RANBP2: variants seen among roughly 807,000 people sequenced by gnomAD.
The protein encoded by RANBP2 is E3 SUMO-protein ligase RanBP2.
In RANBP2, 57 loss-of-function variants were observed where a neutral mutation model predicts 303.6. That is an observed-to-expected ratio of 0.19 (90% confidence interval 0.15 to 0.23). The LOEUF (loss-of-function observed/expected upper bound fraction) is 0.23, where lower values mean the gene tolerates loss of function less well. Ranked by LOEUF, RANBP2 falls within the 10% of genes least tolerant of loss-of-function variation. RANBP2 has a pLI of 1.00. For missense variants in RANBP2, 3,138 were observed against 3,780.8 expected, an observed-to-expected ratio of 0.83 and a Z score of 4.46; for synonymous variants, 1,167 against 1,301.5, an observed-to-expected ratio of 0.90 and a Z score of 2.23.
the RANBP2 span, among the ~76,000 whole-genome samples, chr2:109,264,873 A>C: frequency 2.0e-5 from 3 of 152,212 alleles, no homozygotes; most frequent in African/African-American, 7.2e-5. Flanking sequence ...AGACATCTTA[A>C]ACATCCTTAT....
At chr2:109,565,563 G>C in the RANBP2 span, among the ~76,000 whole-genome samples, 1 of 152,134 alleles carries the variant, frequency 6.6e-6, no homozygotes, top group Non-Finnish European at 1.5e-5. Flanking sequence ...GGTACCGTGG[G>C]GGCGGGGGTA....
the RANBP2 span, among the ~76,000 whole-genome samples, chr2:109,560,278 T>C: frequency 1.3e-5 from 2 of 152,192 alleles, no homozygotes; most frequent in Non-Finnish European, 2.9e-5. Flanking sequence ...CCAAGAATTG[T>C]CAAGGAAGCA....
chr2:109,533,242 C>CGTGGA, the RANBP2 span, among the ~76,000 whole-genome samples: 1 of 152,218 alleles, frequency 6.6e-6, no homozygotes, highest in Non-Finnish European at 1.5e-5. Context: ...CAACACAGCC[C>CGTGGA]GTGGAGGGCA....
the RANBP2 span, among the ~76,000 whole-genome samples, chr2:108,791,194 G>A: frequency 1.3e-5 from 2 of 151,910 alleles, no homozygotes; most frequent in African/African-American, 2.4e-5. Context: ...TATGACTTGT[G>A]TTATATTGCT....
At chr2:109,641,884 C>T in the RANBP2 span, among the ~76,000 whole-genome samples, 3 of 152,302 alleles carry the variant, frequency 2.0e-5, no homozygotes, top group South Asian at 6.2e-4. Flanking sequence ...CCATTCACTG[C>T]AACCTATGCC....
chr2:109,245,950 C>T, the RANBP2 span, among the ~76,000 whole-genome samples: 2 of 152,190 alleles, frequency 1.3e-5, no homozygotes, highest in African/African-American at 4.8e-5. Context: ...AAAAAAATTA[C>T]TGCTATAATG....
Position 108,765,913 on chromosome 2 carries a change from G to T in RANBP2, c.5374G>T (p.Val1792Leu). 6.2e-7 allele frequency: 1 copy of T among 1,614,176 alleles called. No homozygotes were observed. Among genetic ancestry groups the T allele is most frequent in the Non-Finnish European group, 8.5e-7 (1 of 1,179,996 alleles). Residue 1792 changes from valine to leucine, a missense_variant, in exon 20 of 29, where the codon GTA becomes TTA. Val to Leu is a conservative substitution (Grantham distance 32). Around this residue, in one of 20 missense-constraint regions of RANBP2, gnomAD observed 348 missense variants for 360.4 expected, o/e 0.97. Transcript: ENST00000283195. ...ACAGTGGGATTGTAGTGTTTGCTGTGTACAAAATGAGAGTTCTTCCTTAAA... is the reference window on the plus strand; with the variant it reads ...ACAGTGGGATTGTAGTGTTTGCTGTTTACAAAATGAGAGTTCTTCCTTAAA... ...KGQWDCSVCC[V>L]QNESSSLKCV...
At chr2:109,617,305 A>T in the RANBP2 span, 1 of 167,096 alleles carries the variant, frequency 6.0e-6, no homozygotes, top group Admixed American at 6.5e-5. Flanking sequence ...TAGAGAAGAG[A>T]TGGGACTATT....
chr2:109,210,499 T>G, the RANBP2 span, among the ~76,000 whole-genome samples: 1 of 152,226 alleles, frequency 6.6e-6, no homozygotes, highest in Admixed American at 6.5e-5. Flanking sequence ...AGGGAGACAG[T>G]GGCTGGAGTA....
chr2:108,916,020 G>A, the RANBP2 span, among the ~76,000 whole-genome samples: 1 of 152,204 alleles, frequency 6.6e-6, no homozygotes, highest in Non-Finnish European at 1.5e-5. Flanking sequence ...CCTTACTGAA[G>A]TTGCTCTGGA....
the RANBP2 span, chr2:109,614,172 G>A: frequency 9.4e-6 from 11 of 1,175,468 alleles, no homozygotes; most frequent in Non-Finnish European, 9.5e-6. Flanking sequence ...GGGAACTGCG[G>A]AGCAGTGATT....
At chr2:109,469,718 C>T in the RANBP2 span, among the ~76,000 whole-genome samples, 7 of 152,164 alleles carry the variant, frequency 4.6e-5, no homozygotes, top group African/African-American at 1.2e-4. Flanking sequence ...TCTGGCAGAA[C>T]GCTGAAAAGC....
At chr2:109,482,437 C>T in the RANBP2 span, among the ~76,000 whole-genome samples, 1 of 152,206 alleles carries the variant, frequency 6.6e-6, no homozygotes, top group African/African-American at 2.4e-5. Context: ...CGCAGCATCA[C>T]GCACTTCCCG....
the RANBP2 span, among the ~76,000 whole-genome samples, chr2:109,675,867 A>G: frequency 6.6e-6 from 1 of 151,888 alleles, no homozygotes; most frequent in Non-Finnish European, 1.5e-5. Flanking sequence ...TCCTGTCCCC[A>G]CCCCAGGGTG....
the RANBP2 span, among the ~76,000 whole-genome samples, chr2:109,075,050 G>A: frequency 6.6e-3 from 700 of 105,812 alleles, 10 homozygotes; most frequent in African/African-American, 9.4e-3. Flanking sequence ...AAAAAAAAAA[G>A]AAGAAGAAGA....
chr2:109,555,218 T>C, the RANBP2 span, among the ~76,000 whole-genome samples: 4 of 152,304 alleles, frequency 2.6e-5, no homozygotes, highest in Non-Finnish European at 5.9e-5. Flanking sequence ...CTCCTTTAAA[T>C]TGCACTCAAG....
chr2:108,972,113 G>A, the RANBP2 span, among the ~76,000 whole-genome samples: 4 of 152,246 alleles, frequency 2.6e-5, no homozygotes, highest in Admixed American at 6.5e-5. Flanking sequence ...ACCACCCAGC[G>A]GAGCCGCTCC....
the RANBP2 span, among the ~76,000 whole-genome samples, chr2:109,315,599 CTG>C: frequency 6.6e-6 from 1 of 152,246 alleles, no homozygotes; most frequent in Non-Finnish European, 1.5e-5. Flanking sequence ...CTTTCAGAAA[CTG>C]TCAGTGATGC....
the RANBP2 span, among the ~76,000 whole-genome samples, chr2:109,457,361 A>G: frequency 1.3e-4 from 20 of 152,264 alleles, no homozygotes; most frequent in Non-Finnish European, 4.4e-5. Context: ...CAAGTAAACT[A>G]TTATTCAGAA....
Sources: allele counts gnomAD v4.1 joint callset (sites outside exome capture counted in the v4.1 genomes callset), GRCh38; gene constraint gnomAD v4.1.1; regional missense constraint gnomAD v4.1.1; transcripts MANE v1.5; gene names NCBI Gene and HGNC (gene_info 2026-07-23, HGNC 2026-07-21).